Variants in FGD4 observed in about 807,000 individuals in gnomAD.
FGD4 encodes FYVE, RhoGEF and PH domain containing 4, also known as FYVE, RhoGEF and PH domain-containing protein 4.
FGD4 carries 42 observed loss-of-function variants against 102.0 expected under a neutral mutation model. The observed-to-expected ratio is 0.41, with a 90% CI of 0.32 to 0.53. The LOEUF is 0.53. FGD4 is among the 20% of genes least tolerant of loss of function. The pLI, the probability that FGD4 is intolerant of heterozygous loss-of-function variation, is 0.21. For missense variants in FGD4, 902 were observed against 1,078.2 expected, an observed-to-expected ratio of 0.84 and a Z score of 2.29; for synonymous variants, 380 against 375.7, an observed-to-expected ratio of 1.01 and a Z score of -0.13.
chr12:32,571,735 G>A (rs1008815432), intron 2 of FGD4, among the ~76,000 whole-genome samples: 21 of 152,114 alleles, frequency 1.4e-4, no homozygotes, highest in African/African-American at 4.8e-4. Flanking sequence ...GGAATTAGGG[G>A]ATTTTGCCAA....
intron 1 of FGD4, chr12:32,534,304 G>A (rs1471670393): frequency 2.5e-5 from 33 of 1,330,274 alleles, no homozygotes; most frequent in South Asian, 4.2e-5. Flanking sequence ...CAGTAAGTTC[G>A]AAGAATGCAC....
rs748420696 is a variant in FGD4, at chr12:32,611,190, C to A, written c.1656C>A (p.Asp552Glu). Residue 552 changes from aspartate to glutamate, a missense_variant, in exon 10 of 17, where the codon GAC (aspartate) becomes GAA (glutamate). Transcript: ENST00000534526. Reference protein sequence around the residue: ...EIYEMLGEEEDIVNPSNELIK... With the variant: ...EIYEMLGEEEEIVNPSNELIK... ...ATGAAATGTTGGGAGAAGAAGAAGA[C>A]ATTGTAAACCCTTCAAATGAACTAA... 4 of 1,614,042 alleles carry A rather than the reference C, an allele frequency of 2.5e-6. No individual in the cohort carries two copies. The African/African-American group carries it at 4.0e-5, about 16-fold the overall frequency.
intron 1 of FGD4, among the ~76,000 whole-genome samples, chr12:32,453,754 A>G (rs1942875334): frequency 6.6e-6 from 1 of 152,110 alleles, no homozygotes; most frequent in East Asian, 1.9e-4. Context: ...CATTTATCTC[A>G]TTCTTTAGAT....
chr12:32,416,198 C>T (rs575328297), intron 1 of FGD4, among the ~76,000 whole-genome samples: 1 of 152,306 alleles, frequency 6.6e-6, no homozygotes, highest in African/African-American at 2.4e-5. Context: ...CAGGGTTTCC[C>T]TGTGTTGCCC....
At chr12:32,458,215 G>A (rs1157838216) in intron 1 of FGD4, among the ~76,000 whole-genome samples, 4 of 151,682 alleles carry the variant, frequency 2.6e-5, no homozygotes, top group African/African-American at 9.7e-5. Context: ...TGTTGCCTAG[G>A]CTGAAGTTCA....
intron 1 of FGD4, among the ~76,000 whole-genome samples, chr12:32,493,575 T>G (rs1188614462): frequency 6.6e-6 from 1 of 152,232 alleles, no homozygotes; most frequent in African/African-American, 2.4e-5. Flanking sequence ...CACGGTTACT[T>G]CCTGAATAAC....
intron 1 of FGD4, among the ~76,000 whole-genome samples, chr12:32,442,377 G>A (rs1207482453): frequency 6.6e-6 from 1 of 152,006 alleles, no homozygotes; most frequent in African/African-American, 2.4e-5. Context: ...TGTCTCTTCA[G>A]TGCATGTTTC....
At position 32,645,480 on chromosome 12, in the gene FGD4, A is replaced by G. The variant is rs1410393585; in HGVS notation, c.*4947A>G. ...AACATGGTGAAACCCTGTCTCTACT[A>G]AATAAAAATAAAACAAAATAAGTGT... On this transcript the variant is annotated 3_prime_UTR_variant, in exon 17 of 17. Transcript: ENST00000534526. 6.6e-6 allele frequency: 1 copy of G among 152,060 alleles called. No homozygotes were observed. The highest frequency in any genetic ancestry group is 6.6e-5 in the Admixed American group (1 of 15,264). 9.4% of individuals were successfully genotyped at this position (152,060 alleles called of 1,614,324 possible).
chr12:32,556,260 A>T (rs1288680567), intron 1 of FGD4, among the ~76,000 whole-genome samples: 1 of 152,118 alleles, frequency 6.6e-6, no homozygotes, highest in Non-Finnish European at 1.5e-5. Context: ...AATTTTTTTT[A>T]ATTTTAATTG....
Position 32,399,671 on chromosome 12 carries a change from G to T in FGD4, c.-123G>T, listed in dbSNP as rs1940562706. On this transcript the variant is annotated 5_prime_UTR_variant, in exon 1 of 17. Coordinates refer to ENST00000534526, the MANE Select transcript of FGD4 (RefSeq NM_001370298.3). ...GAGAGGAGGCACTCGCTGAGGAGAC[G>T]CCGCAGTAGAGGGCGCCCCCGGAGT... 1 of 1,434,148 alleles carries T rather than the reference G, an allele frequency of 7.0e-7. No individual in the cohort carries two copies. Among genetic ancestry groups the T allele is most frequent in the East Asian group, 2.8e-5 (1 of 36,112 alleles). The allele number at this position is 1,434,148 out of a possible 1,614,324, so 88.8% of individuals were successfully genotyped here. A position where few individuals can be genotyped will look rare whatever the true frequency, so the allele number is the denominator to read the frequency against.
chr12:32,525,858 T>C (rs561238170), intron 1 of FGD4, among the ~76,000 whole-genome samples: 183 of 152,314 alleles, frequency 1.2e-3, no homozygotes, highest in Non-Finnish European at 1.7e-3. Context: ...CCAGCACTGC[T>C]GGCCCACCGG....
In FGD4 at chr12:32,626,031, T is replaced by TA. The variant is rs1213050941; in HGVS notation, c.2172+258dup. On this transcript the variant is annotated intron_variant, in intron 14 of 16. Transcript: ENST00000534526. The stretch of plus-strand genomic sequence containing the variant: ...GAATTTCAAATTACTATAGATGAAA[T>TA]AAAAAAGCAATTGAGAAGTTAAAAA... Among the ~76,000 whole-genome samples, 8 of 152,040 alleles carry TA rather than the reference T, an allele frequency of 5.3e-5. No homozygotes were observed. The East Asian group carries it at 1.5e-3, about 29-fold the overall frequency.
chr12:32,429,296 CTGCTGGAGTT>C (rs1242411516), intron 1 of FGD4, among the ~76,000 whole-genome samples: 3 of 152,216 alleles, frequency 2.0e-5, no homozygotes, highest in Admixed American at 6.5e-5. Flanking sequence ...TGCTGCAGGT[CTGCTGGAGTT>C]TGCTGGAGGT....
At chr12:32,573,337 C>T (rs1405068963) in intron 2 of FGD4, among the ~76,000 whole-genome samples, 1 of 151,652 alleles carries the variant, frequency 6.6e-6, no homozygotes, top group African/African-American at 2.4e-5. Context: ...CCTCATGATC[C>T]GCCCGCCTTG....
At chr12:32,538,612 AG>A (rs1220545206) in intron 1 of FGD4, among the ~76,000 whole-genome samples, 2 of 152,184 alleles carry the variant, frequency 1.3e-5, no homozygotes, top group Non-Finnish European at 2.9e-5. Context: ...TCTGTGGCTG[AG>A]CCCGTACATG....
At chr12:32,473,572 T>C (rs1451918356) in intron 1 of FGD4, among the ~76,000 whole-genome samples, 1 of 152,102 alleles carries the variant, frequency 6.6e-6, no homozygotes, top group Non-Finnish European at 1.5e-5. Context: ...ACGCGCCACC[T>C]TAAGAGCTGT....
Position 32,576,451 on chromosome 12 carries a change from T to TAAG in FGD4, c.503+4_503+6dup. ...CATCAGTCGCTTTGAAGGAGGCAGG[T>TAAG]AAGAGCTAATTTACAATGGGAGAAG... On this transcript the variant is annotated splice_region_variant and intron_variant, in intron 3 of 16. Transcript: ENST00000534526. 6.2e-7 allele frequency: 1 copy of TAAG among 1,613,982 alleles called. No homozygotes were observed. The highest frequency in any genetic ancestry group is 8.5e-7 in the Non-Finnish European group (1 of 1,179,974).
chr12:32,513,923 A>G (rs10506091), intron 1 of FGD4, among the ~76,000 whole-genome samples: 8,730 of 152,302 alleles, frequency 0.057, 643 homozygotes, highest in African/African-American at 0.15. Context: ...AATAAATACC[A>G]TAGAAATCCA....
At chr12:32,406,197 C>T (rs1162489408) in intron 1 of FGD4, among the ~76,000 whole-genome samples, 1 of 152,064 alleles carries the variant, frequency 6.6e-6, no homozygotes, top group Non-Finnish European at 1.5e-5. Flanking sequence ...CCGCCTCAGC[C>T]TCCCAAAGTG....
Sources: allele counts gnomAD v4.1 joint callset (sites outside exome capture counted in the v4.1 genomes callset), GRCh38; gene constraint gnomAD v4.1.1; transcripts MANE v1.5; gene names NCBI Gene and HGNC (gene_info 2026-07-23, HGNC 2026-07-21).